Variants in NUFIP1 observed in about 807,000 individuals in gnomAD.
The protein encoded by NUFIP1 is FMR1-interacting protein NUFIP1.
In NUFIP1, 38 loss-of-function variants were observed where a neutral mutation model predicts 56.2. The observed-to-expected ratio is 0.68, with a 90% CI of 0.52 to 0.89. NUFIP1 has a LOEUF of 0.89. NUFIP1 is among the 40% of genes least tolerant of loss of function. The pLI is 0.00. For missense variants in NUFIP1, 567 were observed against 605.8 expected (o/e 0.94, Z 0.67); for synonymous variants, 215 against 212.4 (o/e 1.01, Z -0.10).
Position 44,943,474 on chromosome 13 carries a change from G to C in NUFIP1, c.1339C>G (p.Pro447Ala), listed in dbSNP as rs754766171. 6.2e-7 allele frequency: 1 copy of C among 1,613,898 alleles called. No individual in the cohort carries two copies. The part of the protein sequence containing the change: ...DYHNYQTLFE[P>A]RTHHPYLLEM... ...AAGAGATATGGATGGTGTGTTCTTG[G>C]TTCGAATAACGTTTGATAGTTGTGA... Residue 447 changes from proline (P) to alanine (A), a missense_variant, in exon 9 of 10, where the codon CCA becomes GCA. By Grantham distance (27) the Pro-to-Ala change is conservative. Coordinates refer to ENST00000379161, the MANE Select transcript of NUFIP1 (RefSeq NM_012345.3).
chr13:44,987,392 AT>A (rs1290490788), intron 1 of NUFIP1, among the ~76,000 whole-genome samples: 2 of 152,072 alleles, frequency 1.3e-5, no homozygotes, highest in African/African-American at 2.4e-5. Flanking sequence ...AAAAAAAAAA[AT>A]AAATAAAGTG....
rs768170454 is a variant in NUFIP1 at position 44,959,493 on chromosome 13, A to G, written c.909T>C (p.Asn303=). 6.2e-7 allele frequency: 1 copy of G among 1,614,078 alleles called. No homozygotes were observed. Among genetic ancestry groups the G allele is most frequent in the Admixed American group, 1.7e-5 (1 of 59,996 alleles). ...PGKNHKWKND[N]SRQRAVTGSG... ...ATCCAGTGACTGCTCTCTGTCTAGA[A>G]TTGTCGTTTTTCCATTTGTGATTCT... The change falls in exon 7 of 10, where the codon AAT becomes AAC. Residue 303 remains asparagine (N), a synonymous_variant. Coordinates refer to ENST00000379161, the MANE Select transcript of NUFIP1 (RefSeq NM_012345.3).
chr13:44,961,906 A>C (rs1044270859), intron 6 of NUFIP1, among the ~76,000 whole-genome samples: 2 of 152,206 alleles, frequency 1.3e-5, no homozygotes, highest in African/African-American at 4.8e-5. Flanking sequence ...TATAAGACTT[A>C]ATTGAGAAAG....
chr13:44,965,411 A>C (rs1345692518), intron 6 of NUFIP1, among the ~76,000 whole-genome samples: 1 of 152,218 alleles, frequency 6.6e-6, no homozygotes, highest in Non-Finnish European at 1.5e-5. Context: ...ATCCAATCAA[A>C]AATTACCAGG....
At chr13:44,985,708 G>A (rs1872360044) in intron 1 of NUFIP1, among the ~76,000 whole-genome samples, 1 of 152,160 alleles carries the variant, frequency 6.6e-6, no homozygotes, top group East Asian at 1.9e-4. Flanking sequence ...TGCTGTGTAT[G>A]TTCTAACTGC....
chr13:44,984,588 G>A (rs1872314971), intron 1 of NUFIP1, among the ~76,000 whole-genome samples: 1 of 152,138 alleles, frequency 6.6e-6, no homozygotes, highest in African/African-American at 2.4e-5. Flanking sequence ...GCTGCAGTGA[G>A]CCGAGATGGT....
chr13:44,974,650 C>T lies in NUFIP1; in HGVS notation c.734+4540G>A, dbSNP rs1871909327. On this transcript the variant is annotated intron_variant, in intron 5 of 9. Transcript: ENST00000379161. The stretch of plus-strand genomic sequence containing the variant: ...CACTGCAACCTCAAACTCCTGGGCT[C>T]AAGGGATCTTCCTGCCTCGGTCTCC... 3.9e-5 allele frequency among the ~76,000 whole-genome samples: 6 copies of T among 152,308 alleles called. No individual in the cohort carries two copies. The South Asian group carries it at 1.2e-3, about 32-fold the overall frequency.
intron 6 of NUFIP1, among the ~76,000 whole-genome samples, chr13:44,965,567 G>A (rs1295454239): frequency 7.2e-5 from 11 of 152,250 alleles, no homozygotes; most frequent in African/African-American, 1.2e-4. Context: ...GGTGGCGCAC[G>A]CCTGTAGTCC....
Position 44,989,101 on chromosome 13 carries a change from G to A in NUFIP1, c.336C>T (p.Phe112=). The A allele has an allele frequency of 1.2e-6, 2 of 1,614,200 alleles. No homozygotes were observed. The highest frequency in any genetic ancestry group is 1.7e-5 in the Admixed American group (1 of 60,024). ...TCCAATACCACGATGTGGAAGCATG[G>A]AAATTCCAAGGCTGGCCGCTGGGTT... ...QPQPSGQPWN[F]HASTSWYWRQ... is the part of the protein sequence containing the mutation. The change falls in exon 1 of 10, where the codon TTC becomes TTT. Residue 112 remains phenylalanine, a synonymous_variant. Coordinates refer to ENST00000379161, the MANE Select transcript of NUFIP1 (RefSeq NM_012345.3).
chr13:44,983,668 G>A (rs921203822), intron 1 of NUFIP1, among the ~76,000 whole-genome samples: 1 of 152,144 alleles, frequency 6.6e-6, no homozygotes, highest in African/African-American at 2.4e-5. Flanking sequence ...TTGGTGGTAT[G>A]TGCCTGTAGT....
chr13:44,960,522 C>G (rs994689086), intron 6 of NUFIP1, among the ~76,000 whole-genome samples: 2 of 152,154 alleles, frequency 1.3e-5, no homozygotes, highest in African/African-American at 4.8e-5. Context: ...CCACCTCAGC[C>G]TCCCACAGTG....
chr13:44,985,648 G>C (rs920588550), intron 1 of NUFIP1, among the ~76,000 whole-genome samples: 25 of 152,126 alleles, frequency 1.6e-4, no homozygotes, highest in African/African-American at 4.8e-4. Context: ...TACTGTAATT[G>C]TTTTGAGACA....
chr13:44,963,065 C>T (rs1871477647), intron 6 of NUFIP1, among the ~76,000 whole-genome samples: 1 of 152,072 alleles, frequency 6.6e-6, no homozygotes, highest in South Asian at 2.1e-4. Context: ...TTATCAATCT[C>T]CCCCATCCCT....
At chr13:44,976,744 G>A (rs1871994726) in intron 5 of NUFIP1, among the ~76,000 whole-genome samples, 1 of 152,130 alleles carries the variant, frequency 6.6e-6, no homozygotes, top group Non-Finnish European at 1.5e-5. Context: ...ATAAAGAAAA[G>A]AAGTTTATTT....
At chr13:44,969,534 T>A (rs1409728908) in intron 5 of NUFIP1, among the ~76,000 whole-genome samples, 2 of 152,214 alleles carry the variant, frequency 1.3e-5, no homozygotes, top group African/African-American at 4.8e-5. Flanking sequence ...ATTTTCACAG[T>A]TGGTTTTTCT....
At chr13:44,949,234 C>T (rs1227115046) in intron 8 of NUFIP1, among the ~76,000 whole-genome samples, 3 of 124,254 alleles carry the variant, frequency 2.4e-5, no homozygotes, top group Admixed American at 2.0e-4. Context: ...CGGAGTCTCG[C>T]TCTGTCGCCC....
rs368178633 is a variant in NUFIP1, at chr13:44,989,198, G to C, written c.239C>G (p.Pro80Arg). 2.5e-5 allele frequency: 41 copies of C among 1,611,720 alleles called. No individual in the cohort carries two copies. Among genetic ancestry groups the C allele is most frequent in the Middle Eastern group, 1.7e-4 (1 of 6,008 alleles). ...EAQSLPGAPP[P>R]FDAQILPGAQ... ...CCCGGGAAGAATCTGGGCGTCGAAG[G>C]GGGGCGGAGCCCCGGGGAGAGACTG... Residue 80 changes from proline to arginine, a missense_variant, in exon 1 of 10, where the codon CCC becomes CGC. By Grantham distance (103) the Pro-to-Arg change is moderately radical. Coordinates refer to ENST00000379161, the MANE Select transcript of NUFIP1 (RefSeq NM_012345.3).
chr13:44,943,580 A>T lies in NUFIP1; in HGVS notation c.1233T>A (p.Thr411=), dbSNP rs116652166. 2.8e-5 allele frequency: 45 copies of T among 1,614,158 alleles called. No individual in the cohort carries two copies. The African/African-American group carries it at 4.5e-4, about 16-fold the overall frequency. Residue 411 remains threonine, a synonymous_variant, in exon 9 of 10, where the codon ACT becomes ACA. Coordinates refer to ENST00000379161, the MANE Select transcript of NUFIP1 (RefSeq NM_012345.3). ...PKSPSQDVKA[T]VRNFSEAKSE... ...TCTTGGCTTCTGAAAAATTTCTAAC[A>T]GTTGCTTTAACATCTTGACTTGGAC...
At chr13:44,967,425 T>C (rs1407632448) in intron 5 of NUFIP1, among the ~76,000 whole-genome samples, 5 of 151,872 alleles carry the variant, frequency 3.3e-5, no homozygotes, top group Non-Finnish European at 7.4e-5. Context: ...AGAGAATTGC[T>C]TGAACCCAGG....
Sources: allele counts gnomAD v4.1 joint callset (sites outside exome capture counted in the v4.1 genomes callset), GRCh38; gene constraint gnomAD v4.1.1; transcripts MANE v1.5; gene names NCBI Gene and HGNC (gene_info 2026-07-23, HGNC 2026-07-21).